CLASRP: variants seen among roughly 807,000 people sequenced by gnomAD.
CLASRP encodes the protein CLK4-associating serine/arginine rich protein.
A neutral mutation model predicts 99.9 loss-of-function variants in CLASRP; 52 were observed. The observed-to-expected ratio is 0.52, with a 90% confidence interval of 0.42 to 0.66. The LOEUF is 0.66. Ranked by LOEUF, CLASRP falls within the 30% of genes least tolerant of loss-of-function variation. CLASRP has a pLI of 0.00. For missense variants in CLASRP, 848 were observed against 999.2 expected (o/e 0.85, Z 2.04); for synonymous variants, 379 against 373.0 (o/e 1.02, Z -0.18).
rs1568420569 is a variant in CLASRP at position 45,064,475 on chromosome 19, G to GTCCCGCTCCTGGTCCCGCTCCCGC, written c.1264_1287dup (p.Trp422_Ser429dup). On this transcript the variant is annotated inframe_insertion, in exon 13 of 21. Coordinates refer to ENST00000221455, the MANE Select transcript of CLASRP (RefSeq NM_007056.3). ...GTTCCGGCCGCCACGCCCGCTCCCG[G>GTCCCGCTCCTGGTCCCGCTCCCGC]TCCCGCTCCTGGTCCCGCTCCCGCT... 7.8e-6 allele frequency: 12 copies of GTCCCGCTCCTGGTCCCGCTCCCGC among 1,532,016 alleles called. No individual in the cohort carries two copies. The highest frequency in any genetic ancestry group is 2.8e-5 in the African/African-American group (2 of 72,638). The allele number at this position is 1,532,016 out of a possible 1,614,324, so 94.9% of individuals were successfully genotyped here.
Position 45,070,070 on chromosome 19 carries a change from C to T in CLASRP, c.1923C>T (p.Tyr641=), listed in dbSNP as rs751749461. 9.9e-6 allele frequency: 16 copies of T among 1,608,704 alleles called. No individual in the cohort carries two copies. The African/African-American group carries it at 1.7e-4, about 17-fold the overall frequency. Residue 641 remains tyrosine (Y), a synonymous_variant, in exon 19 of 21, where the codon TAC becomes TAT. Coordinates refer to ENST00000221455, the MANE Select transcript of CLASRP (RefSeq NM_007056.3). ...EKEREEWERQ[Y]SRQSRSPSPR... Reference sequence around the variant, plus strand: ...AGAGAGAAGAGTGGGAACGCCAGTACAGCCGGCAGAGCCGCTCACCCTCCC... The same window carrying T: ...AGAGAGAAGAGTGGGAACGCCAGTATAGCCGGCAGAGCCGCTCACCCTCCC...
At chr19:45,049,509 C>G (rs1292451091) in intron 2 of CLASRP, among the ~76,000 whole-genome samples, 1 of 152,192 alleles carries the variant, frequency 6.6e-6, no homozygotes, top group Non-Finnish European at 1.5e-5. Context: ...GCACCTGGCA[C>G]ATAGTGAGTG....
intron 5 of CLASRP, among the ~76,000 whole-genome samples, chr19:45,053,855 A>T (rs932147873): frequency 6.6e-6 from 1 of 152,146 alleles, no homozygotes; most frequent in African/African-American, 2.4e-5. Context: ...TCCTGGGCTC[A>T]AGTGATCCTC....
intron 6 of CLASRP, among the ~76,000 whole-genome samples, chr19:45,057,509 G>A (rs529977479): frequency 6.6e-6 from 1 of 152,318 alleles, no homozygotes; most frequent in East Asian, 1.9e-4. Context: ...CAGGGCTGGG[G>A]AGCTCAGGAC....
chr19:45,046,949 C>T (rs1050794587), intron 2 of CLASRP, among the ~76,000 whole-genome samples: 1 of 152,134 alleles, frequency 6.6e-6, no homozygotes, highest in East Asian at 1.9e-4. Context: ...ATCGCTTGAA[C>T]CCGGGAGGCA....
chr19:45,054,385 G>T (rs1280644778), intron 5 of CLASRP, among the ~76,000 whole-genome samples: 2 of 152,236 alleles, frequency 1.3e-5, no homozygotes, highest in African/African-American at 4.8e-5. Context: ...AAGTAGCTGG[G>T]ATTACCGGCG....
In CLASRP at chr19:45,064,174, C is replaced by T. The variant is rs183905340; in HGVS notation, c.1068C>T (p.Pro356=). ...CATCAGGAGTCACCACAGGGAAGCC[C>T]CCCGCACCTCCCCAGCCTGGCGGCC... is the stretch of plus-strand genomic sequence containing the variant. ...AAASGVTTGK[P]PAPPQPGGPA... The change falls in exon 12 of 21, where the codon CCC becomes CCT. Residue 356 remains proline (P), a synonymous_variant. Coordinates refer to ENST00000221455, the MANE Select transcript of CLASRP (RefSeq NM_007056.3). The T allele has an allele frequency of 1.1e-3, 1,805 of 1,609,606 alleles. 14 individuals carry two copies. In the African/African-American group the frequency reaches 0.022, roughly 19 times the overall value.
At chr19:45,070,278 C>T (rs1343748389) in intron 19 of CLASRP, among the ~76,000 whole-genome samples, 174 bp downstream of exon 19, 1 of 152,170 alleles carries the variant, frequency 6.6e-6, no homozygotes, top group East Asian at 1.9e-4. Flanking sequence ...CGAGACCAGC[C>T]TGACCAACAT....
intron 7 of CLASRP, among the ~76,000 whole-genome samples, chr19:45,058,700 T>C (rs1600106128): frequency 6.6e-6 from 1 of 152,084 alleles, no homozygotes; most frequent in East Asian, 1.9e-4. Flanking sequence ...GCTGGCTCTT[T>C]ATTCACACTC....
chr19:45,062,136 C>T lies in CLASRP; in HGVS notation c.864-18C>T, dbSNP rs2122586465. 6.9e-7 allele frequency: 1 copy of T among 1,455,240 alleles called. No homozygotes were observed. Among genetic ancestry groups the T allele is most frequent in the East Asian group, 2.3e-5 (1 of 44,096 alleles). 90.1% of individuals were successfully genotyped at this position (1,455,240 alleles called of 1,614,324 possible). A position where few individuals can be genotyped will look rare whatever the true frequency, so the allele number is the denominator to read the frequency against. ...ATCTTAAGCCCTAATTTGTCCCACC[C>T]CATTCTTTTCTCTGTAGCTATGCCC... On this transcript the variant is annotated intron_variant, in intron 10 of 20. Transcript: ENST00000221455.
At position 45,041,255 on chromosome 19, in the gene CLASRP, A is replaced by G. The variant is rs145291902; in HGVS notation, c.99+944A>G. On this transcript the variant is annotated intron_variant, in intron 2 of 20. Transcript: ENST00000221455. ...AAAAAAAAAAAAAAAGACTGTCTCA[A>G]AAAAAAAGGAGTGAATATTAAGTGA... Among the ~76,000 whole-genome samples the G allele has an allele frequency of 3.1e-3, 470 of 151,676 alleles. 1 individual carries two copies. Among genetic ancestry groups the G allele is most frequent in the Admixed American group, 0.011 (163 of 15,178 alleles).
intron 15 of CLASRP, 112 bp downstream of exon 15, chr19:45,068,166 G>A: frequency 1.1e-6 from 1 of 906,710 alleles, no homozygotes; most frequent in East Asian, 2.5e-5. Flanking sequence ...TCCAGCCCCA[G>A]GGACAGGGAG....
chr19:45,040,543 C>T, intron 2 of CLASRP: 1 of 402,296 alleles, frequency 2.5e-6, no homozygotes, highest in East Asian at 4.9e-5. Context: ...CCGGTGTTAG[C>T]AAGAAAAAGG....
At chr19:45,070,693 A>G (rs1464593443) in intron 20 of CLASRP, 110 bp from the exon 21 acceptor site, 1 of 1,308,722 alleles carries the variant, frequency 7.6e-7, no homozygotes, top group East Asian at 2.3e-5. Context: ...TCCCTTGGGG[A>G]ACATCCTTCC....
At chr19:45,064,685 C>A (rs1600112852) in intron 13 of CLASRP, 55 bp downstream of exon 13, 2 of 1,486,194 alleles carry the variant, frequency 1.3e-6, no homozygotes, top group Middle Eastern at 4.9e-4. Context: ...GGTCTCCGAT[C>A]CTGGGGAGAA....
chr19:45,056,850 C>A (rs192351587), intron 6 of CLASRP, among the ~76,000 whole-genome samples: 19 of 152,260 alleles, frequency 1.2e-4, no homozygotes, highest in African/African-American at 4.6e-4. Flanking sequence ...CTGTGCTTCC[C>A]TGTAAAATGG....
rs1455548593 is a variant in CLASRP, at chr19:45,060,383, C to CTA, written c.711-3_711-2dup. ...CCTCCACCCTAATTCTCACCCACCT[C>CTA]TATAGGATGCTCCGGAAAGACAAGG... is the stretch of plus-strand genomic sequence containing the variant. On this transcript the variant is annotated splice_polypyrimidine_tract_variant and splice_region_variant and intron_variant, in intron 8 of 20. Transcript: ENST00000221455. This position sits in a 1 kb window ranked among gnomAD's most constrained non-coding sequence, Gnocchi z 4.6. 4.3e-6 allele frequency: 7 copies of CTA among 1,613,832 alleles called. No individual in the cohort carries two copies. The Admixed American group carries it at 6.7e-5, about 15-fold the overall frequency.
chr19:45,049,675 C>G (rs981588010), intron 2 of CLASRP, among the ~76,000 whole-genome samples: 7 of 152,044 alleles, frequency 4.6e-5, no homozygotes, highest in African/African-American at 1.7e-4. Context: ...TGTTTTTTTC[C>G]TGAAGGGGCT....
intron 15 of CLASRP, 94 bp from the exon 16 acceptor site, chr19:45,068,326 C>CCCCCCCCCCAAA: frequency 1.6e-6 from 1 of 630,496 alleles, no homozygotes; most frequent in Non-Finnish European, 2.9e-6. Flanking sequence ...CCCCCACCCC[C>CCCCCCCCCCAAA]CCCCCGCACA....
Sources: allele counts gnomAD v4.1 joint callset (sites outside exome capture counted in the v4.1 genomes callset), GRCh38; gene constraint gnomAD v4.1.1; non-coding constraint Gnocchi (gnomAD v3.1); transcripts MANE v1.5; gene names NCBI Gene and HGNC (gene_info 2026-07-23, HGNC 2026-07-21).